The following MBP variants were observed in gnomAD, a reference collection of about 807,000 sequenced individuals.
MBP encodes Golli-MBP.
Under a neutral mutation model 35.8 loss-of-function variants are expected in MBP, and 16 were observed. The observed-to-expected ratio is 0.45, with a 90% confidence interval of 0.30 to 0.68. The LOEUF is 0.68. MBP is among the 30% of genes least tolerant of loss of function. MBP has a pLI of 0.08. For synonymous variants in MBP, 143 were observed against 159.6 expected, an observed-to-expected ratio of 0.90 and a Z score of 0.78; for missense variants, 380 against 404.7, an observed-to-expected ratio of 0.94 and a Z score of 0.52.
At chr18:77,000,003 T>C (rs932144316) in intron 4 of MBP, among the ~76,000 whole-genome samples, 4 of 152,164 alleles carry the variant, frequency 2.6e-5, no homozygotes, top group Admixed American at 2.6e-4. Flanking sequence ...CCTTGTGATG[T>C]AGACTCAGAT....
intron 3 of MBP, among the ~76,000 whole-genome samples, chr18:77,037,378 G>A (rs1454014341): frequency 6.6e-6 from 1 of 152,264 alleles, no homozygotes; most frequent in Admixed American, 6.5e-5. Context: ...GGACTGAGCT[G>A]AGCAAGCGGC....
At chr18:77,050,027 T>A (rs1382308143) in intron 3 of MBP, among the ~76,000 whole-genome samples, 2 of 152,184 alleles carry the variant, frequency 1.3e-5, no homozygotes, top group Admixed American at 6.5e-5. Flanking sequence ...TTTGTAACTA[T>A]GGAAACAAGT....
chr18:77,071,003 C>T (rs557405141), intron 2 of MBP, among the ~76,000 whole-genome samples: 12 of 152,242 alleles, frequency 7.9e-5, no homozygotes, highest in Non-Finnish European at 1.2e-4. Context: ...CACACGCACA[C>T]GCACATTGTA....
chr18:77,067,431 C>T (rs1974244265), intron 2 of MBP, among the ~76,000 whole-genome samples: 1 of 152,238 alleles, frequency 6.6e-6, no homozygotes, highest in African/African-American at 2.4e-5. Context: ...ACTGCTTGCA[C>T]AGCCCGCTAG....
chr18:77,027,140 C>A (rs1972255693), intron 3 of MBP, among the ~76,000 whole-genome samples: 1 of 152,052 alleles, frequency 6.6e-6, no homozygotes, highest in African/African-American at 2.4e-5. Flanking sequence ...AATGACAGGC[C>A]TTTGTCTCGC....
intron 1 of MBP, among the ~76,000 whole-genome samples, chr18:77,111,475 G>A (rs1309558697): frequency 6.6e-6 from 1 of 152,252 alleles, no homozygotes; most frequent in Non-Finnish European, 1.5e-5. Flanking sequence ...CCCCTTTGTA[G>A]AGACGCTAAA....
intron 2 of MBP, among the ~76,000 whole-genome samples, chr18:77,091,555 C>T (rs993501061): frequency 1.3e-5 from 2 of 151,914 alleles, no homozygotes; most frequent in African/African-American, 2.4e-5. Flanking sequence ...CAAGGGCACT[C>T]GCCACGGATG....
chr18:76,988,273 C>T lies in MBP; in HGVS notation c.750+222G>A. The T allele has an allele frequency of 6.4e-7, 1 of 1,551,012 alleles. No individual in the cohort carries two copies. The highest frequency in any genetic ancestry group is 8.7e-7 in the Non-Finnish European group (1 of 1,147,186). On this transcript the variant is annotated intron_variant, in intron 7 of 8. Transcript: ENST00000355994. This position sits in a 1 kb window ranked among gnomAD's most constrained non-coding sequence, Gnocchi z 5.2. ...AGGATCTGGCCTTGCAGGGCTGGGT[C>T]CCCGGCACAGAAGCAAGAGACCAGA...
chr18:77,042,129 T>C (rs507097), intron 3 of MBP, among the ~76,000 whole-genome samples: 5,782 of 152,238 alleles, frequency 0.038, 367 homozygotes, highest in African/African-American at 0.13. Context: ...AGAACTCTCA[T>C]TTTCTCTGAC....
intron 2 of MBP, among the ~76,000 whole-genome samples, chr18:77,071,302 C>A (rs546149859): frequency 2.0e-5 from 3 of 152,340 alleles, no homozygotes; most frequent in African/African-American, 7.2e-5. Flanking sequence ...TGGTCCACCA[C>A]AGGCTGCTGT....
intron 1 of MBP, among the ~76,000 whole-genome samples, chr18:77,127,092 T>C (rs1303928034): frequency 3.9e-5 from 6 of 152,170 alleles, no homozygotes; most frequent in Non-Finnish European, 1.5e-5. Flanking sequence ...TTATAAAGAA[T>C]AATAAAGTGG....
At chr18:76,997,903 CGATCTCCTGACCTCGT>C (rs376279577) in intron 4 of MBP, among the ~76,000 whole-genome samples, 5,335 of 152,036 alleles carry the variant, frequency 0.035, 103 homozygotes, top group Non-Finnish European at 0.051. Flanking sequence ...AGGATGGTCT[CGATCTCCTGACCTCGT>C]GATCCGCCCG....
At chr18:77,081,805 T>C (rs1254310656) in intron 2 of MBP, among the ~76,000 whole-genome samples, 10 of 111,006 alleles carry the variant, frequency 9.0e-5, no homozygotes, top group East Asian at 2.8e-4. Flanking sequence ...TATATATATA[T>C]GCACACACAT....
chr18:77,117,195 A>ACTATAGGAAT (rs1177048590), intron 1 of MBP, among the ~76,000 whole-genome samples: 5 of 152,238 alleles, frequency 3.3e-5, no homozygotes, highest in Non-Finnish European at 5.9e-5. Flanking sequence ...ATTATGAAGA[A>ACTATAGGAAT]CTATAGGAAT....
Position 77,105,279 on chromosome 18 carries a change from T to G in MBP, c.-18A>C. 1 of 1,607,096 alleles carries G rather than the reference T, an allele frequency of 6.2e-7. No homozygotes were observed. The highest frequency in any genetic ancestry group is 2.2e-5 in the East Asian group (1 of 44,744). On this transcript the variant is annotated 5_prime_UTR_variant, in exon 2 of 9. Transcript: ENST00000355994. Reference sequence around the variant, plus strand: ...TTTCCCATCCTGAATGGATTGGCTCTTCAGAGGCTAAAAGAGAAAGAGAAA... The same window carrying G: ...TTTCCCATCCTGAATGGATTGGCTCGTCAGAGGCTAAAAGAGAAAGAGAAA...
At chr18:76,991,805 G>A (rs1415880972) in intron 4 of MBP, among the ~76,000 whole-genome samples, 4 of 152,218 alleles carry the variant, frequency 2.6e-5, no homozygotes, top group Non-Finnish European at 5.9e-5. Context: ...GTCAATTGAA[G>A]TATTTCCCTC....
intron 2 of MBP, among the ~76,000 whole-genome samples, chr18:77,099,332 C>T (rs914036539): frequency 6.6e-6 from 1 of 152,214 alleles, no homozygotes; most frequent in Non-Finnish European, 1.5e-5. Flanking sequence ...CACCTAGCAC[C>T]TGAGACGTAG....
intron 1 of MBP, among the ~76,000 whole-genome samples, chr18:77,118,540 CAG>C (rs1976770860): frequency 6.6e-6 from 1 of 151,814 alleles, no homozygotes; most frequent in Non-Finnish European, 1.5e-5. Flanking sequence ...GGTTCACAGA[CAG>C]AGACAGTGCG....
intron 7 of MBP, 172 bp from the exon 8 acceptor site, chr18:76,985,066 G>C: frequency 6.7e-7 from 1 of 1,493,756 alleles, no homozygotes; most frequent in East Asian, 2.4e-5. Flanking sequence ...GGGCGGGAGA[G>C]GCTGCTCCCC....
Sources: gnomAD v4.1 joint callset for allele counts (sites outside exome capture counted in the v4.1 genomes callset) on GRCh38, gnomAD v4.1.1 for gene constraint, Gnocchi (gnomAD v3.1) non-coding constraint, MANE v1.5 for transcripts, NCBI Gene and HGNC (gene_info 2026-07-23, HGNC 2026-07-21) for gene names.